Variants in ME1 observed in about 807,000 individuals in gnomAD.
ME1 encodes malic enzyme 1.
Under a neutral mutation model 66.4 loss-of-function variants are expected in ME1, and 74 were observed. The ratio of observed to expected loss-of-function variants is 1.11; its 90% CI spans 0.92 to 1.35. The LOEUF is 1.35. Among genes scored for constraint, ME1 ranks in the 40% most tolerant of loss-of-function variants. ME1 has a pLI of 0.00. For missense variants in ME1, 750 were observed against 694.1 expected (o/e 1.08, Z -0.90); for synonymous variants, 251 against 235.6 (o/e 1.07, Z -0.60).
At chr6:83,229,988 AATTT>A (rs1470747143) in intron 9 of ME1, among the ~76,000 whole-genome samples, 1 of 151,122 alleles carries the variant, frequency 6.6e-6, no homozygotes, top group Non-Finnish European at 1.5e-5. Flanking sequence ...ATGCTTGGCT[AATTT>A]ATCATTTTTT....
At chr6:83,409,936 A>C (rs1770018743) in intron 1 of ME1, among the ~76,000 whole-genome samples, 1 of 152,216 alleles carries the variant, frequency 6.6e-6, no homozygotes, top group African/African-American at 2.4e-5. Context: ...ATAATCCAGT[A>C]TGTTCAATTG....
At chr6:83,304,731 A>G (rs1335024255) in intron 6 of ME1, among the ~76,000 whole-genome samples, 1 of 152,220 alleles carries the variant, frequency 6.6e-6, no homozygotes, top group Non-Finnish European at 1.5e-5. Context: ...AATAAAAGTA[A>G]CAGTCAAATC....
At chr6:83,293,379 C>G (rs908300499) in intron 6 of ME1, among the ~76,000 whole-genome samples, 1 of 152,144 alleles carries the variant, frequency 6.6e-6, no homozygotes, top group Non-Finnish European at 1.5e-5. Context: ...TCTTGCAAAA[C>G]TGAAACTCTA....
intron 3 of ME1, among the ~76,000 whole-genome samples, chr6:83,378,323 G>C (rs1174945272): frequency 6.6e-6 from 1 of 151,812 alleles, no homozygotes; most frequent in Non-Finnish European, 1.5e-5. Flanking sequence ...AAGAGAGAAA[G>C]AAGAAAAAAA....
rs540059202 is a variant in ME1 at position 83,255,875 on chromosome 6, A to G, written c.705-2137T>C. Among the ~76,000 whole-genome samples, 14 of 152,318 alleles carry G rather than the reference A, an allele frequency of 9.2e-5. 1 individual carries two copies. The South Asian group carries it at 2.9e-3, about 32-fold the overall frequency. On this transcript the variant is annotated intron_variant, in intron 6 of 13. Transcript: ENST00000369705. ...TTATTCTCATCCAATAGATGAGGAA[A>G]CAGGCACACAGGTATACCACATTGG... is the stretch of plus-strand genomic sequence containing the variant.
intron 3 of ME1, among the ~76,000 whole-genome samples, chr6:83,395,619 G>C (rs1429348930): frequency 6.6e-6 from 1 of 151,454 alleles, no homozygotes; most frequent in African/African-American, 2.4e-5. Flanking sequence ...GGGACTACAG[G>C]CACATGCCAC....
chr6:83,262,075 A>G (rs1313231247), intron 6 of ME1, among the ~76,000 whole-genome samples: 1 of 152,048 alleles, frequency 6.6e-6, no homozygotes, highest in African/African-American at 2.4e-5. Flanking sequence ...ACATGAAAAG[A>G]GACAAATGAC....
chr6:83,326,941 G>A (rs377599983), intron 5 of ME1, among the ~76,000 whole-genome samples: 1 of 152,110 alleles, frequency 6.6e-6, no homozygotes, highest in Non-Finnish European at 1.5e-5. Context: ...CAGAGGGACC[G>A]GCTGAAGCCA....
intron 5 of ME1, among the ~76,000 whole-genome samples, chr6:83,331,925 TAGC>T (rs1358524571): frequency 6.6e-6 from 1 of 152,120 alleles, no homozygotes; most frequent in Non-Finnish European, 1.5e-5. Flanking sequence ...TTTAGTCAAA[TAGC>T]AAGCCTCAAT....
chr6:83,344,537 C>T (rs1768650699), intron 5 of ME1, among the ~76,000 whole-genome samples: 1 of 151,634 alleles, frequency 6.6e-6, no homozygotes, highest in African/African-American at 2.4e-5. Flanking sequence ...GAGCCATGAT[C>T]ATGACAGTGC....
intron 9 of ME1, among the ~76,000 whole-genome samples, chr6:83,230,141 G>T (rs548213319): frequency 0.025 from 3,701 of 146,224 alleles, 53 homozygotes; most frequent in South Asian, 0.041. Context: ...TTTTTTTGTT[G>T]TTGTTGTTGT....
intron 9 of ME1, among the ~76,000 whole-genome samples, chr6:83,237,285 AAG>A (rs1790427936): frequency 5.5e-5 from 3 of 54,574 alleles, no homozygotes; most frequent in Admixed American, 2.0e-4. Flanking sequence ...GAAAGGAAGG[AAG>A]GAAGGAAAGA....
At chr6:83,412,050 T>G (rs1484925605) in intron 1 of ME1, among the ~76,000 whole-genome samples, 5 of 152,204 alleles carry the variant, frequency 3.3e-5, no homozygotes, top group African/African-American at 1.2e-4. Flanking sequence ...GACGAAGGAC[T>G]TATATTAGAA....
intron 6 of ME1, among the ~76,000 whole-genome samples, chr6:83,273,176 CAAAAAAAAAAA>C (rs67482208): frequency 1.4e-5 from 1 of 70,182 alleles, no homozygotes; most frequent in Admixed American, 1.5e-4. Flanking sequence ...GACTCTGCCT[CAAAAAAAAAAA>C]AAAAAAAAAA....
intron 6 of ME1, among the ~76,000 whole-genome samples, chr6:83,254,641 A>G (rs1790774223): frequency 6.6e-6 from 1 of 152,124 alleles, no homozygotes; most frequent in South Asian, 2.1e-4. Context: ...CCTACATTAA[A>G]ATATTTTGTA....
At chr6:83,268,734 A>G (rs1175560901) in intron 6 of ME1, among the ~76,000 whole-genome samples, 1 of 148,214 alleles carries the variant, frequency 6.7e-6, no homozygotes, top group Non-Finnish European at 1.5e-5. Flanking sequence ...CCCCGTTATT[A>G]TTATTATTAT....
At chr6:83,233,111 T>C (rs2128524680) in intron 9 of ME1, among the ~76,000 whole-genome samples, 1 of 152,118 alleles carries the variant, frequency 6.6e-6, no homozygotes, top group East Asian at 1.9e-4. Flanking sequence ...TTAAACCTGG[T>C]TTGTTTTGTG....
Position 83,382,010 on chromosome 6 carries a change from T to C in ME1, c.362+16357A>G, listed in dbSNP as rs138203436. 1.8e-4 allele frequency among the ~76,000 whole-genome samples: 28 copies of C among 151,938 alleles called. No homozygotes were observed. The East Asian group carries it at 5.4e-3, about 29-fold the overall frequency. On this transcript the variant is annotated intron_variant, in intron 3 of 13. Coordinates refer to ENST00000369705, the MANE Select transcript of ME1 (RefSeq NM_002395.6). ...CAGATCTTTTGAACAAGCTATCCCC[T>C]CAGGCTCAAAGGTTTTTATTTTTTC...
chr6:83,319,291 CTT>C (rs1472649415), intron 5 of ME1, among the ~76,000 whole-genome samples: 1 of 149,282 alleles, frequency 6.7e-6, no homozygotes, highest in African/African-American at 2.5e-5. Flanking sequence ...TACCCTAAAA[CTT>C]AAAGTATAAT....
Sources: allele counts gnomAD v4.1 joint callset (sites outside exome capture counted in the v4.1 genomes callset), GRCh38; gene constraint gnomAD v4.1.1; transcripts MANE v1.5; gene names NCBI Gene and HGNC (gene_info 2026-07-23, HGNC 2026-07-21).